Variants in PRSS12 observed in about 807,000 individuals in gnomAD.
PRSS12 encodes serine protease 12.
A neutral mutation model predicts 104.4 loss-of-function variants in PRSS12; 85 were observed. That is an observed-to-expected ratio of 0.81 (90% CI 0.68 to 0.98). PRSS12 has a LOEUF of 0.98. Ranked by LOEUF, PRSS12 falls within the 50% of genes least tolerant of loss-of-function variation. The pLI, the probability that PRSS12 is intolerant of heterozygous loss-of-function variation, is 0.00. For synonymous variants in PRSS12, 454 were observed against 425.2 expected, an observed-to-expected ratio of 1.07 and a Z score of -0.83; for missense variants, 1,141 against 1,139.2, an observed-to-expected ratio of 1.00 and a Z score of -0.02.
At chr4:118,286,001 T>C (rs1444928803) in intron 11 of PRSS12, among the ~76,000 whole-genome samples, 1 of 152,154 alleles carries the variant, frequency 6.6e-6, no homozygotes, top group African/African-American at 2.4e-5. Context: ...AAACAGGACA[T>C]TACTAGCACA....
Position 118,352,821 on chromosome 4 carries a change from C to A in PRSS12, c.-101G>T. The A allele has an allele frequency of 6.6e-7, 1 of 1,526,654 alleles. No homozygotes were observed. Among genetic ancestry groups the A allele is most frequent in the Non-Finnish European group, 8.8e-7 (1 of 1,139,544 alleles). 94.6% of individuals were successfully genotyped at this position (1,526,654 alleles called of 1,614,324 possible). On this transcript the variant is annotated 5_prime_UTR_variant, in exon 1 of 13. Transcript: ENST00000296498. ...GCGGGGCTGCCGCGTCCCTCGAATC[C>A]CCCAGCCCCCTCCCGCCCCCGCACG...
Position 118,352,317 on chromosome 4 carries a change from T to A in PRSS12, c.404A>T (p.His135Leu). ...GCCGTCGGGGCTCCGACAAAAGTTG[T>A]GGCGCTGTCCTCGCAGCTGAGCCCA... ...ASWAQLRGQR[H>L]NFCRSPDGAG... Residue 135 changes from histidine to leucine, a missense_variant, in exon 1 of 13, where the codon CAC becomes CTC. By Grantham distance (99) the His-to-Leu change is moderately conservative. Transcript: ENST00000296498. The A allele has an allele frequency of 6.3e-7, 1 of 1,596,644 alleles. No homozygotes were observed. Among genetic ancestry groups the A allele is most frequent in the Non-Finnish European group, 8.5e-7 (1 of 1,174,718 alleles).
chr4:118,307,528 C>A (rs1218832275), intron 8 of PRSS12, among the ~76,000 whole-genome samples: 3 of 152,078 alleles, frequency 2.0e-5, no homozygotes, highest in African/African-American at 7.2e-5. Flanking sequence ...AAATTTATAA[C>A]CCTCTGAATT....
intron 7 of PRSS12, chr4:118,312,799 G>T: frequency 8.5e-6 from 2 of 234,192 alleles, no homozygotes; most frequent in Non-Finnish European, 1.7e-5. Flanking sequence ...AATGAACCAT[G>T]AGACAGGGAG....
intron 9 of PRSS12, among the ~76,000 whole-genome samples, chr4:118,297,429 G>T (rs1455389382): frequency 6.6e-6 from 1 of 151,978 alleles, no homozygotes; most frequent in Non-Finnish European, 1.5e-5. Context: ...AGGGAATTCA[G>T]TAAATTAAGT....
At chr4:118,348,404 T>C (rs1226580125) in intron 1 of PRSS12, among the ~76,000 whole-genome samples, 3 of 152,228 alleles carry the variant, frequency 2.0e-5, no homozygotes, top group Admixed American at 2.0e-4. Flanking sequence ...CCTACCACTA[T>C]ACATTTTAGG....
intron 9 of PRSS12, among the ~76,000 whole-genome samples, chr4:118,297,909 G>T (rs117976145): frequency 0.025 from 3,804 of 152,146 alleles, 118 homozygotes; most frequent in East Asian, 0.13. Flanking sequence ...AGGTTGAGGT[G>T]GGCGGATCAT....
intron 1 of PRSS12, 68 bp downstream of exon 1, chr4:118,352,151 C>G: frequency 1.3e-6 from 2 of 1,591,538 alleles, no homozygotes; most frequent in Non-Finnish European, 1.7e-6. Context: ...GAGACCTGTA[C>G]GCCGGCCCCA....
intron 11 of PRSS12, among the ~76,000 whole-genome samples, chr4:118,285,672 A>C (rs1742997044): frequency 6.6e-6 from 1 of 152,154 alleles, no homozygotes. Context: ...TGAAAAAAAA[A>C]CTAAAATATT....
intron 5 of PRSS12, 91 bp downstream of exon 5, chr4:118,318,287 G>C (rs1723500729): frequency 8.2e-6 from 10 of 1,221,394 alleles, no homozygotes; most frequent in Non-Finnish European, 1.2e-5. Context: ...TGCTCATTTG[G>C]TAATGTTGAA....
At position 118,282,902 on chromosome 4, in the gene PRSS12, C is replaced by G; in HGVS notation, c.2249G>C (p.Cys750Ser). 2 of 1,614,184 alleles carry G rather than the reference C, an allele frequency of 1.2e-6. No homozygotes were observed. Among genetic ancestry groups the G allele is most frequent in the Non-Finnish European group, 1.7e-6 (2 of 1,180,040 alleles). Residue 750 changes from cysteine to serine, a missense_variant, in exon 12 of 13, where the codon TGT (cysteine) becomes TCT (serine). Physicochemically the swap from Cys to Ser is moderately radical, Grantham distance 112 (BLOSUM62 -1). Coordinates refer to ENST00000296498, the MANE Select transcript of PRSS12 (RefSeq NM_003619.4). ...TGGCCTCTCTCTCCAGAGTGGTAAA[C>G]AGGCTGGCAAAACATGGCTGCTGAA... is the stretch of plus-strand genomic sequence containing the variant. ...ARFSSHVLPA[C>S]LPLWRERPQK...
intron 4 of PRSS12, among the ~76,000 whole-genome samples, chr4:118,323,027 A>C (rs1723674490): frequency 6.6e-6 from 1 of 152,116 alleles, no homozygotes; most frequent in Admixed American, 6.5e-5. Context: ...CGAATTCCTA[A>C]GTTATTGTCT....
intron 9 of PRSS12, among the ~76,000 whole-genome samples, chr4:118,296,608 T>C (rs1743260962): frequency 6.6e-6 from 1 of 152,204 alleles, no homozygotes; most frequent in Admixed American, 6.5e-5. Flanking sequence ...GTATAAAGTA[T>C]AGATATGTAC....
At chr4:118,347,276 G>A (rs890078765) in intron 1 of PRSS12, among the ~76,000 whole-genome samples, 6 of 152,106 alleles carry the variant, frequency 3.9e-5, no homozygotes, top group African/African-American at 9.7e-5. Flanking sequence ...TAAAAGTGGC[G>A]GGGGACAGCT....
Position 118,352,464 on chromosome 4 carries a change from G to A in PRSS12, c.257C>T (p.Pro86Leu). The part of the protein sequence containing the change: ...RPHALQAGHT[P>L]RPHPWGCPAG... ...GGGGCAGCCCCAGGGGTGCGGCCGG[G>A]GCGTGTGCCCGGCCTGGAGGGCGTG... The change falls in exon 1 of 13, where the codon CCC (proline) becomes CTC (leucine). Residue 86 changes from proline (P) to leucine (L), a missense_variant. Physicochemically the swap from Pro to Leu is moderately conservative, Grantham distance 98 (BLOSUM62 -3). Transcript: ENST00000296498. 2 of 1,400,720 alleles carry A rather than the reference G, an allele frequency of 1.4e-6. No individual in the cohort carries two copies. The highest frequency in any genetic ancestry group is 9.2e-7 in the Non-Finnish European group (1 of 1,084,872). The allele number at this position is 1,400,720 out of a possible 1,614,324, so 86.8% of individuals were successfully genotyped here.
intron 1 of PRSS12, among the ~76,000 whole-genome samples, chr4:118,340,755 C>A (rs1287415056): frequency 6.6e-6 from 1 of 152,116 alleles, no homozygotes; most frequent in Non-Finnish European, 1.5e-5. Flanking sequence ...GACGTGGGAG[C>A]CTTTAGAATG....
intron 4 of PRSS12, among the ~76,000 whole-genome samples, chr4:118,323,106 C>T (rs954615644): frequency 1.3e-5 from 2 of 151,882 alleles, no homozygotes; most frequent in Admixed American, 1.3e-4. Context: ...TGGCCCTTTA[C>T]AGAAAAAGTT....
At chr4:118,316,837 A>AAAAAAAATATATATATATATATATAT (rs35698159) in intron 5 of PRSS12, among the ~76,000 whole-genome samples, 7 of 99,192 alleles carry the variant, frequency 7.1e-5, no homozygotes, top group African/African-American at 2.4e-4. Context: ...AAAAAAAAAA[A>AAAAAAAATATATATATATATATATAT]ATATATATAT....
intron 5 of PRSS12, among the ~76,000 whole-genome samples, chr4:118,316,837 A>AAAATATATATAT (rs35698159): frequency 0.012 from 1,189 of 99,038 alleles, 19 homozygotes; most frequent in South Asian, 0.025. Context: ...AAAAAAAAAA[A>AAAATATATATAT]ATATATATAT....
Sources: gnomAD v4.1 joint callset for allele counts (sites outside exome capture counted in the v4.1 genomes callset) on GRCh38, gnomAD v4.1.1 for gene constraint, MANE v1.5 for transcripts, NCBI Gene and HGNC (gene_info 2026-07-23, HGNC 2026-07-21) for gene names.